The following RNF144A variants were observed in gnomAD, a reference collection of about 807,000 sequenced individuals.
RNF144A encodes the protein E3 ubiquitin-protein ligase RNF144A.
In RNF144A, 11 loss-of-function variants were observed where a neutral mutation model predicts 38.7. That is an observed-to-expected ratio of 0.28 (90% CI 0.18 to 0.47). The LOEUF (loss-of-function observed/expected upper bound fraction) is 0.47. Among genes scored for constraint, RNF144A ranks in the 20% least tolerant of loss-of-function variants. The pLI, the probability that RNF144A is intolerant of heterozygous loss-of-function variation, is 0.99. For missense variants in RNF144A, 316 were observed against 377.2 expected (o/e 0.84, Z 1.34); for synonymous variants, 149 against 143.9 (o/e 1.04, Z -0.25).
rs145173392 is a variant in RNF144A, at chr2:7,028,201, G to A, written c.658-1925G>A. Among the ~76,000 whole-genome samples the A allele has an allele frequency of 2.6e-3, 399 of 152,242 alleles. 2 individuals are homozygous for A. Among genetic ancestry groups the A allele is most frequent in the African/African-American group, 9.2e-3 (383 of 41,534 alleles). ...GCTGAGTGAGTTTGTTCACCAGAGA[G>A]GACAGAATGTGCTGAGCCAGGTTAC... On this transcript the variant is annotated intron_variant, in intron 7 of 8. Transcript: ENST00000320892.
chr2:6,979,996 G>C (rs1469578394), intron 2 of RNF144A, among the ~76,000 whole-genome samples: 1 of 152,178 alleles, frequency 6.6e-6, no homozygotes, highest in Non-Finnish European at 1.5e-5. Context: ...GGCGGCAGGA[G>C]AGAGAGCACA....
At chr2:6,927,630 C>T (rs548339725) in intron 1 of RNF144A, among the ~76,000 whole-genome samples, 106 of 152,306 alleles carry the variant, frequency 7.0e-4, no homozygotes, top group African/African-American at 2.3e-3. Context: ...ACTGGCCCTG[C>T]GGGGCCCTGG....
At chr2:6,980,464 C>A (rs1173630690) in intron 2 of RNF144A, among the ~76,000 whole-genome samples, 1 of 152,264 alleles carries the variant, frequency 6.6e-6, no homozygotes, top group Non-Finnish European at 1.5e-5. Flanking sequence ...GGGCCAGAGG[C>A]CCCATGCCAG....
intron 8 of RNF144A, among the ~76,000 whole-genome samples, chr2:7,034,566 T>C (rs572246079): frequency 1.3e-5 from 2 of 152,348 alleles, no homozygotes; most frequent in South Asian, 4.1e-4. Context: ...TGCTCCCAAG[T>C]GCAGTGCTGT....
downstream of RNF144A, among the ~76,000 whole-genome samples, chr2:7,048,395 C>T (rs1482089174): frequency 1.3e-5 from 2 of 152,190 alleles, no homozygotes; most frequent in African/African-American, 4.8e-5. Context: ...CTATTATTAT[C>T]ACAATTCTTC....
intron 3 of RNF144A, among the ~76,000 whole-genome samples, chr2:6,999,425 G>T (rs1669962131): frequency 6.6e-6 from 1 of 152,184 alleles, no homozygotes; most frequent in East Asian, 1.9e-4. Flanking sequence ...GGCCAGAGGA[G>T]TTGCAACTGT....
chr2:6,983,957 A>G (rs939778683), intron 2 of RNF144A, among the ~76,000 whole-genome samples: 2 of 152,148 alleles, frequency 1.3e-5, no homozygotes, highest in African/African-American at 4.8e-5. Context: ...TATATCCAGA[A>G]TGTGACTACT....
At chr2:7,009,712 C>T (rs1244162779) in intron 3 of RNF144A, among the ~76,000 whole-genome samples, 1 of 152,156 alleles carries the variant, frequency 6.6e-6, no homozygotes, top group African/African-American at 2.4e-5. Flanking sequence ...AGGGGGATTC[C>T]CATGAGGCTG....
chr2:6,935,840 T>C (rs540012658), intron 1 of RNF144A, among the ~76,000 whole-genome samples: 3 of 152,376 alleles, frequency 2.0e-5, no homozygotes, highest in Non-Finnish European at 2.9e-5. Flanking sequence ...TCTGCACACC[T>C]ACCCTAGGGC....
intron 2 of RNF144A, among the ~76,000 whole-genome samples, chr2:6,952,329 A>T (rs1315284243): frequency 1.3e-5 from 2 of 150,498 alleles, no homozygotes; most frequent in Admixed American, 6.6e-5. Flanking sequence ...TTCTTTACTC[A>T]TGAGAGAGTT....
At chr2:7,020,112 A>C (rs1405138920) in intron 5 of RNF144A, among the ~76,000 whole-genome samples, 1 of 152,164 alleles carries the variant, frequency 6.6e-6, no homozygotes, top group Non-Finnish European at 1.5e-5. Flanking sequence ...TGCTCAGAGA[A>C]ACCCGACAGG....
At position 7,043,203 on chromosome 2, in the gene RNF144A, A is replaced by G. The variant is rs1673155883; in HGVS notation, c.*3443A>G. ...AAGGGGAACAAATGATCTTGACAAC[A>G]TATTATTCCATAAAACCAGTTTAGG... On this transcript the variant is annotated 3_prime_UTR_variant, in exon 9 of 9. Coordinates refer to ENST00000320892, the MANE Select transcript of RNF144A (RefSeq NM_014746.6). 4.1e-6 allele frequency: 4 copies of G among 985,268 alleles called. No individual in the cohort carries two copies. The highest frequency in any genetic ancestry group is 4.8e-6 in the Non-Finnish European group (4 of 829,920). 61.0% of individuals were successfully genotyped at this position (985,268 alleles called of 1,614,324 possible).
chr2:6,918,406 A>G (rs1226469357), intron 1 of RNF144A: 3 of 152,262 alleles, frequency 2.0e-5, no homozygotes, highest in African/African-American at 7.2e-5. Flanking sequence ...CTTTACCCTA[A>G]TGGTCTTCGT....
At chr2:6,999,150 G>T (rs1406319604) in intron 3 of RNF144A, among the ~76,000 whole-genome samples, 1 of 152,250 alleles carries the variant, frequency 6.6e-6, no homozygotes, top group African/African-American at 2.4e-5. Context: ...TTCTCCGAAA[G>T]AGGCTGCTGG....
At chr2:6,995,066 C>T (rs1409281165) in intron 2 of RNF144A, among the ~76,000 whole-genome samples, 1 of 152,178 alleles carries the variant, frequency 6.6e-6, no homozygotes, top group Non-Finnish European at 1.5e-5. Flanking sequence ...TAGAATTCTC[C>T]CTCCATGTGG....
At chr2:7,045,619 G>A (rs1197338544), downstream of RNF144A, among the ~76,000 whole-genome samples, 2 of 152,260 alleles carry the variant, frequency 1.3e-5, no homozygotes, top group East Asian at 1.9e-4. Flanking sequence ...ATCTTCACTC[G>A]ATCATCTGCA....
At chr2:7,003,676 T>C (rs1449318551) in intron 3 of RNF144A, among the ~76,000 whole-genome samples, 1 of 152,196 alleles carries the variant, frequency 6.6e-6, no homozygotes. Flanking sequence ...GTTCAGAATG[T>C]ATTCTCTTCT....
At chr2:7,023,182 C>G (rs1309982384) in intron 6 of RNF144A, among the ~76,000 whole-genome samples, 1 of 152,184 alleles carries the variant, frequency 6.6e-6, no homozygotes, top group Non-Finnish European at 1.5e-5. Context: ...CATACTGCTT[C>G]TCTCATTATT....
rs956749113 is a variant in RNF144A at position 6,917,641 on chromosome 2, C to G, written c.-212+19C>G. ...GGCCCAGGTAGAGTGACGCGCGTCC[C>G]CTTTGTGTCCGCATCGCCCGGGCCG... On this transcript the variant is annotated intron_variant, in intron 1 of 8. Transcript: ENST00000320892. This position sits in a 1 kb window ranked among gnomAD's most constrained non-coding sequence, Gnocchi z 4.8. The G allele has an allele frequency of 6.8e-6, 1 of 147,666 alleles. No individual in the cohort carries two copies. The highest frequency in any genetic ancestry group is 1.5e-5 in the Non-Finnish European group (1 of 66,282). The allele number at this position is 147,666 out of a possible 1,614,324, so 9.1% of individuals were successfully genotyped here.
Sources: allele counts gnomAD v4.1 joint callset (sites outside exome capture counted in the v4.1 genomes callset), GRCh38; gene constraint gnomAD v4.1.1; non-coding constraint Gnocchi (gnomAD v3.1); transcripts MANE v1.5; gene names NCBI Gene and HGNC (gene_info 2026-07-23, HGNC 2026-07-21).